The following SPAG9 variants were observed in gnomAD, a reference collection of about 807,000 sequenced individuals.
SPAG9 encodes the protein C-Jun-amino-terminal kinase-interacting protein 4.
SPAG9 carries 35 observed loss-of-function variants against 166.5 expected under a neutral mutation model. The ratio of observed to expected loss-of-function variants is 0.21; its 90% CI spans 0.16 to 0.28. The LOEUF is 0.28. Ranked by LOEUF, SPAG9 falls within the 10% of genes least tolerant of loss-of-function variation. The pLI, the probability that SPAG9 is intolerant of heterozygous loss-of-function variation, is 1.00. For missense variants in SPAG9, 1,235 were observed against 1,603.3 expected (o/e 0.77, Z 3.92); for synonymous variants, 534 against 565.5 (o/e 0.94, Z 0.79).
chr17:51,089,452 A>G (rs1311268383), intron 1 of SPAG9, among the ~76,000 whole-genome samples: 1 of 150,912 alleles, frequency 6.6e-6, no homozygotes, highest in Non-Finnish European at 1.5e-5. Flanking sequence ...AACAAACAAA[A>G]AAGAAGTCGA....
intron 1 of SPAG9, among the ~76,000 whole-genome samples, chr17:51,098,654 G>C (rs906476540): frequency 2.6e-5 from 4 of 152,112 alleles, no homozygotes; most frequent in Admixed American, 6.5e-5. Context: ...CACCACGCCA[G>C]ACTAATTTTC....
intron 26 of SPAG9, among the ~76,000 whole-genome samples, chr17:50,979,380 G>GA (rs76167072): frequency 0.016 from 1,189 of 76,122 alleles, 7 homozygotes; most frequent in Middle Eastern, 0.066. Context: ...TTGAAAAAAA[G>GA]AAAAAAAAAA....
At chr17:51,107,878 G>A (rs2048999264) in intron 1 of SPAG9, among the ~76,000 whole-genome samples, 1 of 151,064 alleles carries the variant, frequency 6.6e-6, no homozygotes. Flanking sequence ...TTGCAACACT[G>A]CTCTCCAGCC....
intron 29 of SPAG9, among the ~76,000 whole-genome samples, chr17:50,967,282 C>A (rs553347352): frequency 3.9e-5 from 6 of 152,346 alleles, no homozygotes; most frequent in African/African-American, 1.2e-4. Flanking sequence ...AAAACATACA[C>A]ACCACAGGAC....
At chr17:51,077,093 TCTATCTAGCTAGCTATCTAG>T (rs1273466208) in intron 2 of SPAG9, among the ~76,000 whole-genome samples, 11 of 56,120 alleles carry the variant, frequency 2.0e-4, no homozygotes, top group South Asian at 5.4e-4. Flanking sequence ...TAGCTAGCTA[TCTATCTAGCTAGCTATCTAG>T]CTATCTAGCT....
chr17:51,112,438 T>C (rs1192355973), intron 1 of SPAG9, among the ~76,000 whole-genome samples: 1 of 149,796 alleles, frequency 6.7e-6, no homozygotes, highest in Admixed American at 6.7e-5. Context: ...TTTGGGAGGC[T>C]GGGGCAGGCA....
At chr17:51,031,426 A>T in intron 6 of SPAG9, 1 of 498,930 alleles carries the variant, frequency 2.0e-6, no homozygotes, top group Admixed American at 3.3e-5. Flanking sequence ...AAACAGGCTG[A>T]ATTTCACAGA....
intron 5 of SPAG9, among the ~76,000 whole-genome samples, chr17:51,035,335 T>A (rs2046545367): frequency 2.6e-5 from 4 of 152,214 alleles, no homozygotes; most frequent in African/African-American, 9.6e-5. Context: ...GTGAAGGGTA[T>A]ATGGAACTCT....
Position 51,077,001 on chromosome 17 carries a change from TCTAGCTAG to T in SPAG9, c.424+2575_424+2582del, listed in dbSNP as rs1171967345. On this transcript the variant is annotated intron_variant, in intron 2 of 29. Coordinates refer to ENST00000262013, the MANE Select transcript of SPAG9 (RefSeq NM_001130528.3). ...TCTATCTTATCTAGCTATCTAGCTA[TCTAGCTAG>T]CTAGCTAGCTATCTAGCTATCTATC... Among the ~76,000 whole-genome samples the T allele has an allele frequency of 1.1e-3, 96 of 90,552 alleles. 1 individual carries two copies. Among genetic ancestry groups the T allele is most frequent in the Non-Finnish European group, 1.2e-3 (51 of 40,958 alleles). The allele number at this position is 90,552 out of a possible 152,430, so 59.4% of individuals were successfully genotyped here. A position where few individuals can be genotyped will look rare whatever the true frequency, so the allele number is the denominator to read the frequency against.
At chr17:50,998,639 G>T (rs1331313412) in intron 14 of SPAG9, 22 bp from the exon 15 acceptor site, 9 of 1,607,862 alleles carry the variant, frequency 5.6e-6, no homozygotes, top group Non-Finnish European at 7.7e-6. Flanking sequence ...CAGTATGTCT[G>T]TGTGTCACAT....
chr17:51,041,713 C>A, intron 4 of SPAG9, 62 bp from the exon 5 acceptor site: 1 of 1,513,746 alleles, frequency 6.6e-7, no homozygotes. Context: ...TTTGCCATGA[C>A]TATAAGTAAT....
chr17:51,094,325 G>A (rs923716990), intron 1 of SPAG9, among the ~76,000 whole-genome samples: 3 of 152,066 alleles, frequency 2.0e-5, no homozygotes, highest in African/African-American at 4.8e-5. Flanking sequence ...AAAACTATAA[G>A]AAATAAAAAT....
At chr17:51,039,338 C>A (rs1233044033) in intron 5 of SPAG9, among the ~76,000 whole-genome samples, 2 of 152,152 alleles carry the variant, frequency 1.3e-5, no homozygotes, top group Non-Finnish European at 2.9e-5. Context: ...ACAAGTGAAT[C>A]CTAAACCCCT....
intron 5 of SPAG9, among the ~76,000 whole-genome samples, chr17:51,037,685 A>T (rs202195550): frequency 0.15 from 12,372 of 83,900 alleles, 1,447 homozygotes; most frequent in Middle Eastern, 0.34. Flanking sequence ...ATATATATAT[A>T]GTGTGTGTGT....
chr17:51,028,844 A>G (rs1444567263), intron 6 of SPAG9, among the ~76,000 whole-genome samples: 1 of 152,162 alleles, frequency 6.6e-6, no homozygotes, highest in Non-Finnish European at 1.5e-5. Flanking sequence ...GCAAATTCCT[A>G]TTTTATATTA....
chr17:51,019,790 T>A (rs2045864606), intron 8 of SPAG9, among the ~76,000 whole-genome samples: 1 of 152,000 alleles, frequency 6.6e-6, no homozygotes, highest in African/African-American at 2.4e-5. Flanking sequence ...AGGCGGAGGT[T>A]GCGGTGAGCC....
At position 50,962,485 on chromosome 17, in the gene SPAG9, AAGAC is replaced by A. The variant is rs992542463; in HGVS notation, c.*3783_*3786del. 6.6e-6 allele frequency: 1 copy of A among 152,256 alleles called. No individual in the cohort carries two copies. The highest frequency in any genetic ancestry group is 2.4e-5 in the African/African-American group (1 of 41,474). The allele number at this position is 152,256 out of a possible 1,614,324, so 9.4% of individuals were successfully genotyped here. A position where few individuals can be genotyped will look rare whatever the true frequency, so the allele number is the denominator to read the frequency against. The stretch of plus-strand genomic sequence containing the variant: ...AATAAAACTTAATCTTTTAAGAGAA[AAGAC>A]AGACATTTAGTGTTACAGAATAGCA... On this transcript the variant is annotated 3_prime_UTR_variant, in exon 30 of 30. Transcript: ENST00000262013.
intron 6 of SPAG9, among the ~76,000 whole-genome samples, chr17:51,029,813 A>G (rs1343185762): frequency 6.6e-6 from 1 of 152,222 alleles, no homozygotes; most frequent in Non-Finnish European, 1.5e-5. Context: ...TTAGATTTGC[A>G]AGATGAAAAA....
chr17:51,041,682 T>A, intron 4 of SPAG9, 31 bp from the exon 5 acceptor site: 3 of 1,607,600 alleles, frequency 1.9e-6, no homozygotes, highest in Non-Finnish European at 1.7e-6. Context: ...AAATTCGGCA[T>A]TCATTTATTT....
Sources: gnomAD v4.1 joint callset for allele counts (sites outside exome capture counted in the v4.1 genomes callset) on GRCh38, gnomAD v4.1.1 for gene constraint, MANE v1.5 for transcripts, NCBI Gene and HGNC (gene_info 2026-07-23, HGNC 2026-07-21) for gene names.